RPS6KA5: variants seen among roughly 807,000 people sequenced by gnomAD.
RPS6KA5 encodes the protein ribosomal protein S6 kinase A5, also known as ribosomal protein S6 kinase alpha-5.
Under a neutral mutation model 85.5 loss-of-function variants are expected in RPS6KA5, and 27 were observed. That is an observed-to-expected ratio of 0.32 (90% confidence interval 0.23 to 0.44). The LOEUF (loss-of-function observed/expected upper bound fraction) is 0.44. RPS6KA5 is among the 20% of genes least tolerant of loss of function. The pLI, the probability that RPS6KA5 is intolerant of heterozygous loss-of-function variation, is 1.00. For synonymous variants in RPS6KA5, 334 were observed against 348.2 expected, an observed-to-expected ratio of 0.96 and a Z score of 0.46; for missense variants, 811 against 980.9, an observed-to-expected ratio of 0.83 and a Z score of 2.31.
At chr14:90,876,755 C>T (rs567477942) in intron 14 of RPS6KA5, among the ~76,000 whole-genome samples, 2 of 152,250 alleles carry the variant, frequency 1.3e-5, no homozygotes, top group South Asian at 2.1e-4. Context: ...CTGAGGGAAG[C>T]GTGCTCATCC....
chr14:90,901,061 C>T (rs1244599850), intron 9 of RPS6KA5, among the ~76,000 whole-genome samples: 1 of 152,134 alleles, frequency 6.6e-6, no homozygotes. Flanking sequence ...TGTTTACAAA[C>T]ATAACTAACT....
At chr14:90,947,199 A>G (rs1045750800) in intron 4 of RPS6KA5, among the ~76,000 whole-genome samples, 4 of 152,234 alleles carry the variant, frequency 2.6e-5, no homozygotes, top group African/African-American at 9.6e-5. Context: ...AGGATTTTTC[A>G]GGATAAAAGC....
chr14:90,899,180 G>C, intron 12 of RPS6KA5, 149 bp downstream of exon 12: 2 of 605,670 alleles, frequency 3.3e-6, no homozygotes, highest in Non-Finnish European at 5.8e-6. Flanking sequence ...GGAGGGGTTT[G>C]AGAGGGTGGT....
chr14:90,973,401 A>G (rs568532105), intron 3 of RPS6KA5, among the ~76,000 whole-genome samples: 1 of 151,994 alleles, frequency 6.6e-6, no homozygotes, highest in South Asian at 2.1e-4. Context: ...CGAGATCAAC[A>G]TCACTGCGCT....
At chr14:90,966,441 T>C (rs1353617853) in intron 3 of RPS6KA5, among the ~76,000 whole-genome samples, 6 of 152,144 alleles carry the variant, frequency 3.9e-5, no homozygotes, top group Non-Finnish European at 8.8e-5. Context: ...TAGAGGAAGA[T>C]GAAGAGATGT....
rs921503325 is a variant in RPS6KA5, at chr14:91,033,470, T to C, written c.103+26862A>G. ...ACAAAAAATTAGCTGGGTGTGGTGG[T>C]GCATGCCTGTAATCCCAGCTACTCG... On this transcript the variant is annotated intron_variant, in intron 1 of 16. Transcript: ENST00000614987. 4.6e-5 allele frequency among the ~76,000 whole-genome samples: 7 copies of C among 151,634 alleles called. No homozygotes were observed. The East Asian group carries it at 9.7e-4, about 21-fold the overall frequency.
intron 3 of RPS6KA5, among the ~76,000 whole-genome samples, chr14:90,949,545 T>C (rs1037034417): frequency 3.9e-5 from 6 of 152,186 alleles, no homozygotes; most frequent in East Asian, 1.9e-4. Flanking sequence ...TACTGGAATA[T>C]ATTATAAACA....
chr14:91,016,690 A>G (rs1270131225), intron 1 of RPS6KA5, among the ~76,000 whole-genome samples: 1 of 152,004 alleles, frequency 6.6e-6, no homozygotes, highest in East Asian at 1.9e-4. Flanking sequence ...AGTGGTATAC[A>G]CTCGGTTCTT....
intron 1 of RPS6KA5, among the ~76,000 whole-genome samples, chr14:91,019,381 GTCCTC>G (rs1224550295): frequency 1.3e-5 from 2 of 152,122 alleles, no homozygotes; most frequent in Non-Finnish European, 2.9e-5. Flanking sequence ...CAAAAAGACT[GTCCTC>G]TCCTGAGCAA....
At chr14:91,044,644 C>G (rs568880306) in intron 1 of RPS6KA5, among the ~76,000 whole-genome samples, 3 of 151,928 alleles carry the variant, frequency 2.0e-5, no homozygotes, top group Non-Finnish European at 2.9e-5. Flanking sequence ...GAGGCCGAGG[C>G]GGGTGAATCA....
intron 1 of RPS6KA5, among the ~76,000 whole-genome samples, chr14:91,046,607 G>C (rs1285998): frequency 0.7 from 106,619 of 151,984 alleles, 37,483 homozygotes; most frequent in East Asian, 0.87. Flanking sequence ...ATTATGATGT[G>C]ATTAGAGGAC....
intron 3 of RPS6KA5, among the ~76,000 whole-genome samples, chr14:90,950,869 C>T (rs1046018517): frequency 1.3e-5 from 2 of 152,134 alleles, no homozygotes; most frequent in East Asian, 3.9e-4. Flanking sequence ...GCCTGTAATC[C>T]CAGCACTTTG....
intron 8 of RPS6KA5, 70 bp from the exon 9 acceptor site, chr14:90,903,039 T>C: frequency 7.3e-7 from 1 of 1,364,180 alleles, no homozygotes. Flanking sequence ...ATAACAAAGA[T>C]AAATTAGGAT....
chr14:90,851,352 T>C lies in RPS6KA5; in HGVS notation c.*20722A>G, dbSNP rs1305372520. The C allele has an allele frequency of 6.6e-6, 1 of 152,184 alleles. No homozygotes were observed. The highest frequency in any genetic ancestry group is 1.5e-5 in the Non-Finnish European group (1 of 68,038). 9.4% of individuals were successfully genotyped at this position (152,184 alleles called of 1,614,324 possible). A position where few individuals can be genotyped will look rare whatever the true frequency, so the allele number is the denominator to read the frequency against. ...CGCACCTGGCCTGGTAAAGATACTT[T>C]TAAAATTAAATTGCTATATAACAGA... On this transcript the variant is annotated 3_prime_UTR_variant, in exon 17 of 17. Coordinates refer to ENST00000614987, the MANE Select transcript of RPS6KA5 (RefSeq NM_004755.4).
At chr14:90,980,892 CCAGGCGTGGTGGCT>C (rs1353501062) in intron 2 of RPS6KA5, among the ~76,000 whole-genome samples, 1 of 152,204 alleles carries the variant, frequency 6.6e-6, no homozygotes, top group Non-Finnish European at 1.5e-5. Context: ...CCTTATATTG[CCAGGCGTGGTGGCT>C]CAGGCCTGTA....
intron 1 of RPS6KA5, among the ~76,000 whole-genome samples, chr14:91,032,420 A>T (rs888536492): frequency 6.6e-6 from 1 of 152,182 alleles, no homozygotes; most frequent in African/African-American, 2.4e-5. Context: ...TTGCAGCTAA[A>T]CACGCACAGT....
At chr14:90,927,538 A>G (rs977457907) in intron 5 of RPS6KA5, among the ~76,000 whole-genome samples, 4 of 152,182 alleles carry the variant, frequency 2.6e-5, no homozygotes, top group Non-Finnish European at 4.4e-5. Flanking sequence ...ACTAACCAAC[A>G]GAAAGCTGGA....
At chr14:90,905,423 A>G (rs2035446370) in intron 8 of RPS6KA5, among the ~76,000 whole-genome samples, 1 of 152,228 alleles carries the variant, frequency 6.6e-6, no homozygotes, top group African/African-American at 2.4e-5. Context: ...TCATATCTCC[A>G]GAGTTTTAGA....
chr14:91,035,847 C>CAAAAAAAA (rs199625173), intron 1 of RPS6KA5, among the ~76,000 whole-genome samples: 44 of 69,886 alleles, frequency 6.3e-4, no homozygotes, highest in African/African-American at 8.1e-4. Context: ...CCCTCACCTT[C>CAAAAAAAA]AAAAAAAAAA....
Sources: allele counts gnomAD v4.1 joint callset (sites outside exome capture counted in the v4.1 genomes callset), GRCh38; gene constraint gnomAD v4.1.1; transcripts MANE v1.5; gene names NCBI Gene and HGNC (gene_info 2026-07-23, HGNC 2026-07-21).